Variants in RYR3 observed in about 807,000 individuals in gnomAD.
The protein encoded by RYR3 is ryanodine receptor 3.
Under a neutral mutation model 584.3 loss-of-function variants are expected in RYR3, and 207 were observed. The ratio of observed to expected loss-of-function variants is 0.35; its 90% CI spans 0.32 to 0.40. RYR3 has a LOEUF of 0.40. Among genes scored for constraint, RYR3 ranks in the 10% least tolerant of loss-of-function variants. RYR3 has a pLI of 1.00. For missense variants in RYR3, 5,616 were observed against 6,089.2 expected (o/e 0.92, Z 2.59); for synonymous variants, 2,416 against 2,248.5 (o/e 1.07, Z -2.11).
At chr15:33,768,534 C>A in intron 60 of RYR3, 124 bp from the exon 61 acceptor site, 1 of 802,264 alleles carries the variant, frequency 1.2e-6, no homozygotes, top group Non-Finnish European at 2.2e-6. Flanking sequence ...GAACATAGTG[C>A]ATCTCCCTAG....
intron 2 of RYR3, among the ~76,000 whole-genome samples, chr15:33,475,801 A>G (rs2049320210): frequency 6.6e-6 from 1 of 152,204 alleles, no homozygotes; most frequent in Non-Finnish European, 1.5e-5. Context: ...GTCAGGATCA[A>G]ATGGGTTCGT....
Position 33,848,414 on chromosome 15 carries a change from A to C in RYR3, c.13621A>C (p.Asn4541His). 3 of 1,612,668 alleles carry C rather than the reference A, an allele frequency of 1.9e-6. No homozygotes were observed. ...GGGGCAGTGGGACCGCTTGGTGATC[A>C]ACACACCGTGAGTGTCCCTCTACCC... The part of the protein sequence containing the change: ...IKGQWDRLVI[N>H]TPSFPNNYWD... The change falls in exon 94 of 104, where the codon AAC becomes CAC. Residue 4541 changes from asparagine to histidine, a missense_variant. By Grantham distance (68) the Asn-to-His change is moderately conservative. Around this residue, in one of 9 missense-constraint regions of RYR3, gnomAD observed 918 missense variants for 887.4 expected, o/e 1.03. Coordinates refer to ENST00000634891, the MANE Select transcript of RYR3 (RefSeq NM_001036.6).
chr15:33,487,233 G>A (rs1000603676), intron 2 of RYR3, among the ~76,000 whole-genome samples: 1 of 150,618 alleles, frequency 6.6e-6, no homozygotes. Context: ...GGATGATTGA[G>A]CATATTGATC....
chr15:33,407,262 A>C (rs2141440818), intron 1 of RYR3, among the ~76,000 whole-genome samples: 1 of 152,358 alleles, frequency 6.6e-6, no homozygotes, highest in South Asian at 2.1e-4. Flanking sequence ...GAATTTGGAG[A>C]GGACATAATT....
chr15:33,760,308 G>T (rs112032882), intron 60 of RYR3, among the ~76,000 whole-genome samples: 1,974 of 152,186 alleles, frequency 0.013, 46 homozygotes, highest in African/African-American at 0.044. Flanking sequence ...GCAAATGGGC[G>T]AAATGCCCCA....
chr15:33,842,059 G>A, intron 91 of RYR3, 24 bp downstream of exon 91: 7 of 1,585,838 alleles, frequency 4.4e-6, no homozygotes, highest in Non-Finnish European at 5.1e-6. Flanking sequence ...CCTTGGCCCT[G>A]TTCATGGTGC....
At chr15:33,695,306 T>C (rs1356839581) in intron 38 of RYR3, among the ~76,000 whole-genome samples, 1 of 152,208 alleles carries the variant, frequency 6.6e-6, no homozygotes, top group Non-Finnish European at 1.5e-5. Context: ...CCCTTCCTCC[T>C]TTACCTCCTA....
At chr15:33,811,336 T>A (rs1028298740) in intron 72 of RYR3, among the ~76,000 whole-genome samples, 9 of 152,106 alleles carry the variant, frequency 5.9e-5, no homozygotes, top group Admixed American at 5.9e-4. Context: ...AAACCCCGTC[T>A]GTACTAAAAA....
rs758795619 is a variant in RYR3 at position 33,854,772 on chromosome 15, C to T, written c.13867C>T (p.Leu4623Phe). The change falls in exon 98 of 104, where the codon CTC becomes TTC. Residue 4623 changes from leucine (L) to phenylalanine (F), a missense_variant. Around this residue, in one of 9 missense-constraint regions of RYR3, gnomAD observed 918 missense variants for 887.4 expected, o/e 1.03. Transcript: ENST00000634891. ...TGCTTTCTTCCATTCCCAGTCCTTT[C>T]TCTACCTTGCCTGGTATACAACCAT... ...LGVVFTDNSF[L>F]YLAWYTTMSV... is the part of the protein sequence containing the mutation. 2 of 1,605,410 alleles carry T rather than the reference C, an allele frequency of 1.2e-6. No individual in the cohort carries two copies. The highest frequency in any genetic ancestry group is 1.1e-5 in the South Asian group (1 of 88,792).
At chr15:33,598,643 A>C (rs1297228361) in intron 16 of RYR3, among the ~76,000 whole-genome samples, 1 of 152,044 alleles carries the variant, frequency 6.6e-6, no homozygotes, top group Non-Finnish European at 1.5e-5. Flanking sequence ...CAAAAAAAAA[A>C]AACTCATCTT....
chr15:33,702,618 T>C (rs1017083131), intron 42 of RYR3, among the ~76,000 whole-genome samples: 1 of 152,076 alleles, frequency 6.6e-6, no homozygotes, highest in Admixed American at 6.5e-5. Flanking sequence ...AAGTAGGGAA[T>C]TGACGACCTG....
At chr15:33,542,066 T>C (rs2055865787) in intron 7 of RYR3, among the ~76,000 whole-genome samples, 2 of 152,180 alleles carry the variant, frequency 1.3e-5, no homozygotes, top group Admixed American at 6.5e-5. Flanking sequence ...AAAAGGTCCT[T>C]ATAGAAGTGT....
chr15:33,568,152 G>C (rs572351048), intron 12 of RYR3, among the ~76,000 whole-genome samples: 1 of 152,310 alleles, frequency 6.6e-6, no homozygotes, highest in Admixed American at 6.5e-5. Flanking sequence ...CCTAGGGCTG[G>C]GGTGTCTTGG....
chr15:33,783,823 ATTG>A (rs1386326795), intron 65 of RYR3, among the ~76,000 whole-genome samples: 3 of 152,174 alleles, frequency 2.0e-5, no homozygotes, highest in Non-Finnish European at 4.4e-5. Context: ...ACCCATGGCC[ATTG>A]TTGTCCTGCT....
At chr15:33,387,207 A>G (rs968378106) in intron 1 of RYR3, among the ~76,000 whole-genome samples, 5 of 152,142 alleles carry the variant, frequency 3.3e-5, no homozygotes, top group African/African-American at 1.2e-4. Flanking sequence ...TGTATATACT[A>G]TGTTTTGTTT....
At chr15:33,727,639 G>A (rs927875308) in intron 46 of RYR3, among the ~76,000 whole-genome samples, 1 of 152,232 alleles carries the variant, frequency 6.6e-6, no homozygotes, top group African/African-American at 2.4e-5. Flanking sequence ...GCAGCCTGCA[G>A]TCTGGAAGGC....
chr15:33,397,890 A>C (rs1236576732), intron 1 of RYR3, among the ~76,000 whole-genome samples: 3 of 152,084 alleles, frequency 2.0e-5, no homozygotes, highest in East Asian at 3.9e-4. Flanking sequence ...AATGAGGCCT[A>C]TTTGATCTCC....
chr15:33,398,774 A>C (rs1474096709), intron 1 of RYR3, among the ~76,000 whole-genome samples: 3 of 152,142 alleles, frequency 2.0e-5, no homozygotes, highest in Admixed American at 6.5e-5. Flanking sequence ...GCAGACCCAC[A>C]GTGCAGAGCC....
At chr15:33,362,146 C>T (rs767952765) in intron 1 of RYR3, among the ~76,000 whole-genome samples, 6 of 152,164 alleles carry the variant, frequency 3.9e-5, no homozygotes, top group Non-Finnish European at 8.8e-5. Flanking sequence ...GGTGTGTTGC[C>T]TCTTACTTTT....
Sources: allele counts gnomAD v4.1 joint callset (sites outside exome capture counted in the v4.1 genomes callset), GRCh38; gene constraint gnomAD v4.1.1; regional missense constraint gnomAD v4.1.1; transcripts MANE v1.5; gene names NCBI Gene and HGNC (gene_info 2026-07-23, HGNC 2026-07-21).